LHPP: variants seen among roughly 807,000 people sequenced by gnomAD.
LHPP encodes phospholysine phosphohistidine inorganic pyrophosphate phosphatase, also known as hLHPP.
Under a neutral mutation model 30.3 loss-of-function variants are expected in LHPP, and 24 were observed. That is an observed-to-expected ratio of 0.79 (90% CI 0.57 to 1.11). The LOEUF (loss-of-function observed/expected upper bound fraction) is 1.11, where lower values mean the gene tolerates loss of function less well. LHPP is among the 50% of genes most tolerant of loss of function. The pLI, the probability that LHPP is intolerant of heterozygous loss-of-function variation, is 0.00. For missense variants in LHPP, 356 were observed against 367.2 expected, an observed-to-expected ratio of 0.97 and a Z score of 0.25; for synonymous variants, 150 against 157.1, an observed-to-expected ratio of 0.95 and a Z score of 0.34.
Position 124,517,633 on chromosome 10 carries a change from G to A in LHPP, c.716+362G>A, listed in dbSNP as rs1225211583. Among the ~76,000 whole-genome samples, 1 of 152,208 alleles carries A rather than the reference G, an allele frequency of 6.6e-6. No individual in the cohort carries two copies. The highest frequency in any genetic ancestry group is 1.5e-5 in the Non-Finnish European group (1 of 68,044). On this transcript the variant is annotated intron_variant, in intron 6 of 6. Transcript: ENST00000368842. This position sits in a 1 kb window ranked among gnomAD's most constrained non-coding sequence, Gnocchi z 4.1. ...ACCCTGCACTACGGCAGTTACAGCTGTGGGCACTCAGCCCCTTGGACAGCC... is the reference window on the plus strand; with the variant it reads ...ACCCTGCACTACGGCAGTTACAGCTATGGGCACTCAGCCCCTTGGACAGCC...
intron 6 of LHPP, among the ~76,000 whole-genome samples, chr10:124,611,044 G>A (rs1051094161): frequency 8.0e-5 from 12 of 150,832 alleles, no homozygotes; most frequent in African/African-American, 2.4e-4. Flanking sequence ...GAGCGGGTGC[G>A]GGTGAGGGGG....
At chr10:124,487,644 A>G (rs913670947) in intron 2 of LHPP, among the ~76,000 whole-genome samples, 1 of 151,984 alleles carries the variant, frequency 6.6e-6, no homozygotes, top group African/African-American at 2.4e-5. Flanking sequence ...GATTTTGACC[A>G]TGTTGGCCAG....
intron 6 of LHPP, among the ~76,000 whole-genome samples, chr10:124,522,649 T>A (rs566373454): frequency 3.3e-5 from 5 of 151,836 alleles, no homozygotes; most frequent in Admixed American, 6.5e-5. Flanking sequence ...TTTGCAGCAG[T>A]CACAGGGCCT....
chr10:124,553,523 A>G (rs1220284752), intron 6 of LHPP, among the ~76,000 whole-genome samples: 2 of 136,652 alleles, frequency 1.5e-5, no homozygotes, highest in Admixed American at 8.5e-5. Flanking sequence ...CCGTGGCACA[A>G]TCTCAGCTCA....
chr10:124,577,955 C>G (rs1343247975), intron 6 of LHPP, among the ~76,000 whole-genome samples: 1 of 152,174 alleles, frequency 6.6e-6, no homozygotes, highest in African/African-American at 2.4e-5. Context: ...CAGCCCCATC[C>G]TGGGAGTGCC....
At chr10:124,511,437 T>C (rs1954292411) in intron 5 of LHPP, among the ~76,000 whole-genome samples, 1 of 152,116 alleles carries the variant, frequency 6.6e-6, no homozygotes, top group Non-Finnish European at 1.5e-5. Flanking sequence ...CCGTGGAAAG[T>C]ATGAAGTAGA....
At chr10:124,547,725 C>G (rs561004096) in intron 6 of LHPP, among the ~76,000 whole-genome samples, 9 of 137,058 alleles carry the variant, frequency 6.6e-5, no homozygotes, top group Admixed American at 2.8e-4. Context: ...TCAGGCTGGA[C>G]CCAGCCCTGA....
Position 124,510,865 on chromosome 10 carries a change from C to T in LHPP, c.625-6315C>T, listed in dbSNP as rs1477626771. Among the ~76,000 whole-genome samples, 2 of 152,210 alleles carry T rather than the reference C, an allele frequency of 1.3e-5. No homozygotes were observed. The highest frequency in any genetic ancestry group is 6.5e-5 in the Admixed American group (1 of 15,288). On this transcript the variant is annotated intron_variant, in intron 5 of 6. Transcript: ENST00000368842. The surrounding 1 kb of genome is among the most constrained non-coding windows in gnomAD (Gnocchi z 4.0). The stretch of plus-strand genomic sequence containing the variant: ...GAGAAGGGCAGAGGGGACCCGAATA[C>T]GGGGGCTCTGGCCGGCCCTGCTGCC...
chr10:124,564,463 A>C (rs987456750), intron 6 of LHPP, among the ~76,000 whole-genome samples: 1 of 151,530 alleles, frequency 6.6e-6, no homozygotes, highest in African/African-American at 2.4e-5. Context: ...TGTGGTGCCC[A>C]GGCTGGTCTT....
intron 6 of LHPP, among the ~76,000 whole-genome samples, chr10:124,540,603 G>T (rs1468346557): frequency 6.6e-6 from 1 of 152,240 alleles, no homozygotes. Context: ...GGGATCCGGG[G>T]CTGCTCGGGG....
intron 1 of LHPP, among the ~76,000 whole-genome samples, chr10:124,471,206 G>A (rs191467923): frequency 1.5e-3 from 226 of 150,762 alleles, no homozygotes; most frequent in African/African-American, 5.1e-3. Flanking sequence ...CCAGTTCTGC[G>A]GGCACCTGCC....
chr10:124,489,811 C>A, intron 3 of LHPP: 1 of 201,804 alleles, frequency 5.0e-6, no homozygotes, highest in Non-Finnish European at 1.0e-5. Flanking sequence ...TGCAAAATAA[C>A]CCTCACCAGT....
intron 6 of LHPP, among the ~76,000 whole-genome samples, chr10:124,546,692 G>A (rs1341041079): frequency 6.6e-6 from 1 of 151,808 alleles, no homozygotes; most frequent in Non-Finnish European, 1.5e-5. Flanking sequence ...TTACAGGCGT[G>A]AGCCACCGCG....
chr10:124,533,536 G>C (rs1458749454), intron 6 of LHPP, among the ~76,000 whole-genome samples: 4 of 152,240 alleles, frequency 2.6e-5, no homozygotes, highest in African/African-American at 9.6e-5. Flanking sequence ...CTCCCAGAAG[G>C]ATAGGCGCTT....
intron 6 of LHPP, among the ~76,000 whole-genome samples, chr10:124,579,744 AC>A (rs1430426480): frequency 6.6e-6 from 1 of 152,202 alleles, no homozygotes; most frequent in Non-Finnish European, 1.5e-5. Flanking sequence ...TTTAACAGAT[AC>A]TTAAGTGATT....
intron 6 of LHPP, among the ~76,000 whole-genome samples, chr10:124,595,248 CTGCAACCTGGT>C (rs972704846): frequency 1.3e-5 from 2 of 152,196 alleles, no homozygotes; most frequent in Non-Finnish European, 2.9e-5. Context: ...TCCCCACCCG[CTGCAACCTGGT>C]TGGGGACGCG....
chr10:124,609,616 T>G (rs11245316), intron 6 of LHPP, among the ~76,000 whole-genome samples: 36,474 of 152,160 alleles, frequency 0.24, 4,571 homozygotes, highest in East Asian at 0.26. Context: ...GAATAGGATG[T>G]TAGCCCCACC....
chr10:124,553,658 A>G (rs977057891), intron 6 of LHPP, among the ~76,000 whole-genome samples: 2 of 151,610 alleles, frequency 1.3e-5, no homozygotes, highest in Non-Finnish European at 1.5e-5. Context: ...ACAGGGTTTC[A>G]CCGTGTTAGC....
chr10:124,535,954 A>T (rs2133937795), intron 6 of LHPP, among the ~76,000 whole-genome samples: 1 of 152,370 alleles, frequency 6.6e-6, no homozygotes, highest in East Asian at 1.9e-4. Context: ...TAATTCAGCC[A>T]GAGAAGCTCT....
Sources: gnomAD v4.1 joint callset for allele counts (sites outside exome capture counted in the v4.1 genomes callset) on GRCh38, gnomAD v4.1.1 for gene constraint, Gnocchi (gnomAD v3.1) non-coding constraint, MANE v1.5 for transcripts, NCBI Gene and HGNC (gene_info 2026-07-23, HGNC 2026-07-21) for gene names.